CNTN5: variants seen among roughly 807,000 people sequenced by gnomAD.
The protein encoded by CNTN5 is contactin 5, also known as contactin-5.
Under a neutral mutation model 129.1 loss-of-function variants are expected in CNTN5, and 77 were observed. The observed-to-expected ratio is 0.60, with a 90% CI of 0.50 to 0.72. The LOEUF is 0.72. Among genes scored for constraint, CNTN5 ranks in the 30% least tolerant of loss-of-function variants. The probability of loss-of-function intolerance (pLI) is 0.00; values close to 1 mark genes in which losing one functional copy is unlikely to be tolerated. For synonymous variants in CNTN5, 509 were observed against 465.6 expected, an observed-to-expected ratio of 1.09 and a Z score of -1.20; for missense variants, 1,478 against 1,328.8, an observed-to-expected ratio of 1.11 and a Z score of -1.75.
At chr11:100,273,555 G>T (rs1314992858) in intron 18 of CNTN5, among the ~76,000 whole-genome samples, 1 of 152,140 alleles carries the variant, frequency 6.6e-6, no homozygotes, top group Non-Finnish European at 1.5e-5. Flanking sequence ...CCTCCAGCTT[G>T]CAGAGCAGAG....
At chr11:99,220,677 A>T (rs1236964128) in intron 1 of CNTN5, among the ~76,000 whole-genome samples, 1 of 152,026 alleles carries the variant, frequency 6.6e-6, no homozygotes, top group African/African-American at 2.4e-5. Context: ...AAAGGAACTT[A>T]TATAATTTTA....
intron 1 of CNTN5, among the ~76,000 whole-genome samples, chr11:99,021,794 A>T (rs1862882528): frequency 6.6e-6 from 1 of 152,224 alleles, no homozygotes; most frequent in Non-Finnish European, 1.5e-5. Context: ...GAAAAACTGT[A>T]TCTTGGATTA....
At chr11:99,210,706 G>T (rs1255486264) in intron 1 of CNTN5, among the ~76,000 whole-genome samples, 3 of 149,226 alleles carry the variant, frequency 2.0e-5, no homozygotes, top group Admixed American at 6.6e-5. Flanking sequence ...AATTATTATG[G>T]CTATGTAAAT....
At chr11:99,408,501 A>AGAAAGAAAGAAAGAAAGAAG (rs1565558170) in intron 2 of CNTN5, among the ~76,000 whole-genome samples, 1 of 146,656 alleles carries the variant, frequency 6.8e-6, no homozygotes, top group African/African-American at 2.5e-5. Context: ...AAAGAAAGAA[A>AGAAAGAAAGAAAGAAAGAAG]GAAAGTTAGT....
intron 1 of CNTN5, among the ~76,000 whole-genome samples, chr11:99,265,957 A>G (rs939473651): frequency 7.9e-5 from 12 of 152,118 alleles, no homozygotes; most frequent in African/African-American, 2.9e-4. Flanking sequence ...AAACAGATAC[A>G]TAAACAGATT....
chr11:99,499,431 T>C (rs1347585054), intron 2 of CNTN5, among the ~76,000 whole-genome samples: 1 of 152,158 alleles, frequency 6.6e-6, no homozygotes, highest in Non-Finnish European at 1.5e-5. Flanking sequence ...CCTACTGTCA[T>C]GTGAAGATGC....
At chr11:100,312,934 CATAAGTA>C (rs1325510829) in intron 21 of CNTN5, among the ~76,000 whole-genome samples, 1 of 151,876 alleles carries the variant, frequency 6.6e-6, no homozygotes, top group Non-Finnish European at 1.5e-5. Context: ...CAAGGAAACA[CATAAGTA>C]ATAAGATAAA....
chr11:100,224,632 A>C, intron 15 of CNTN5, 60 bp from the exon 16 acceptor site: 1 of 1,543,474 alleles, frequency 6.5e-7, no homozygotes, highest in South Asian at 1.2e-5. Context: ...TTCCCCCTTA[A>C]GCCACCTTGA....
intron 2 of CNTN5, among the ~76,000 whole-genome samples, chr11:99,366,842 AT>A (rs1194738583): frequency 1.3e-5 from 2 of 152,120 alleles, no homozygotes; most frequent in African/African-American, 4.8e-5. Flanking sequence ...TCCTGAACGC[AT>A]TTTGCATGAT....
chr11:99,484,359 A>G (rs1160558147), intron 2 of CNTN5, among the ~76,000 whole-genome samples: 1 of 152,224 alleles, frequency 6.6e-6, no homozygotes, highest in Non-Finnish European at 1.5e-5. Flanking sequence ...AATAGCATTT[A>G]TCCAAAAGAC....
At chr11:99,300,565 C>T (rs1346474937) in intron 1 of CNTN5, among the ~76,000 whole-genome samples, 2 of 151,956 alleles carry the variant, frequency 1.3e-5, no homozygotes, top group East Asian at 3.9e-4. Flanking sequence ...AGGATATTTG[C>T]CTGTAGTTTC....
chr11:99,141,313 A>AT (rs1022497147), intron 1 of CNTN5, among the ~76,000 whole-genome samples: 18 of 148,590 alleles, frequency 1.2e-4, no homozygotes, highest in South Asian at 2.2e-4. Flanking sequence ...GTGAGGTTTG[A>AT]TTTTTTTTTC....
chr11:99,294,217 G>C (rs1472522910), intron 1 of CNTN5, among the ~76,000 whole-genome samples: 1 of 152,136 alleles, frequency 6.6e-6, no homozygotes, highest in Non-Finnish European at 1.5e-5. Flanking sequence ...TGGTTCCAAA[G>C]TTTCTCTTGT....
intron 7 of CNTN5, among the ~76,000 whole-genome samples, chr11:99,931,070 C>G (rs1334781597): frequency 6.6e-6 from 1 of 152,162 alleles, no homozygotes; most frequent in Non-Finnish European, 1.5e-5. Flanking sequence ...GCATTTGTAA[C>G]AAGTGCTTTA....
At chr11:100,348,111 T>C (rs1952327597) in intron 23 of CNTN5, among the ~76,000 whole-genome samples, 1 of 152,058 alleles carries the variant, frequency 6.6e-6, no homozygotes, top group South Asian at 2.1e-4. Flanking sequence ...ATTTTCTTTA[T>C]GCATAAACAT....
chr11:99,331,117 A>G (rs1439937843), intron 2 of CNTN5, among the ~76,000 whole-genome samples: 1 of 152,048 alleles, frequency 6.6e-6, no homozygotes, highest in Non-Finnish European at 1.5e-5. Flanking sequence ...TTTTGGTTTA[A>G]CTTCAAAAAG....
intron 3 of CNTN5, among the ~76,000 whole-genome samples, chr11:99,648,140 T>G (rs1420588709): frequency 6.6e-6 from 1 of 151,966 alleles, no homozygotes; most frequent in Non-Finnish European, 1.5e-5. Context: ...GAAAGAATAT[T>G]GAATTTTAGT....
intron 1 of CNTN5, among the ~76,000 whole-genome samples, chr11:99,047,522 G>C (rs1208268613): frequency 6.6e-6 from 1 of 151,970 alleles, no homozygotes; most frequent in East Asian, 1.9e-4. Context: ...TCTTCTAAGA[G>C]CTCCAAAAGT....
At chr11:99,910,207 C>T (rs1949622674) in intron 6 of CNTN5, among the ~76,000 whole-genome samples, 1 of 151,846 alleles carries the variant, frequency 6.6e-6, no homozygotes, top group South Asian at 2.1e-4. Flanking sequence ...CATAATAAGC[C>T]CTCCCATATC....
Sources: gnomAD v4.1 joint callset for allele counts (sites outside exome capture counted in the v4.1 genomes callset) on GRCh38, gnomAD v4.1.1 for gene constraint, MANE v1.5 for transcripts, NCBI Gene and HGNC (gene_info 2026-07-23, HGNC 2026-07-21) for gene names.